Variants in EPDR1 observed in about 807,000 individuals in gnomAD.
The protein encoded by EPDR1 is ependymin related 1, also known as mammalian ependymin-related protein 1.
Under a neutral mutation model 23.7 loss-of-function variants are expected in EPDR1, and 27 were observed. That is an observed-to-expected ratio of 1.14 (90% confidence interval 0.84 to 1.57). The LOEUF is 1.57. EPDR1 is among the 40% of genes most tolerant of loss of function. The probability of loss-of-function intolerance (pLI) is 0.00; values close to 1 mark genes in which losing one functional copy is unlikely to be tolerated. For missense variants in EPDR1, 349 were observed against 290.4 expected (o/e 1.20, Z -1.47); for synonymous variants, 137 against 118.2 (o/e 1.16, Z -1.03).
chr7:37,928,117 G>A (rs564922071), intron 1 of EPDR1, among the ~76,000 whole-genome samples: 1 of 152,304 alleles, frequency 6.6e-6, no homozygotes, highest in Non-Finnish European at 1.5e-5. Context: ...AGAGTAAGGA[G>A]GCTGATGGAA....
chr7:37,943,799 G>T (rs1786217512), intron 1 of EPDR1, among the ~76,000 whole-genome samples: 1 of 152,204 alleles, frequency 6.6e-6, no homozygotes, highest in Non-Finnish European at 1.5e-5. Context: ...ACATTTCATA[G>T]TGATTGTTCC....
At chr7:37,935,705 T>G (rs1009122536) in intron 1 of EPDR1, among the ~76,000 whole-genome samples, 30 of 151,848 alleles carry the variant, frequency 2.0e-4, no homozygotes, top group Admixed American at 3.3e-4. Context: ...GGGTAAACTT[T>G]TAGTATCTTT....
At chr7:37,923,894 G>A (rs576602384) in intron 1 of EPDR1, among the ~76,000 whole-genome samples, 4 of 152,168 alleles carry the variant, frequency 2.6e-5, no homozygotes, top group Non-Finnish European at 4.4e-5. Context: ...CTGATAGTAC[G>A]CACAAGATGC....
At chr7:37,945,801 C>T (rs1562863780) in intron 1 of EPDR1, among the ~76,000 whole-genome samples, 1 of 152,086 alleles carries the variant, frequency 6.6e-6, no homozygotes, top group Non-Finnish European at 1.5e-5. Flanking sequence ...GCCATGGTAT[C>T]TTGCTGCACG....
chr7:37,937,040 T>C (rs1163831190), intron 1 of EPDR1, among the ~76,000 whole-genome samples: 1 of 152,170 alleles, frequency 6.6e-6, no homozygotes, highest in Non-Finnish European at 1.5e-5. Flanking sequence ...AATTAAAAAG[T>C]GTGACATTGA....
At chr7:37,933,975 TC>T (rs1423581094) in intron 1 of EPDR1, among the ~76,000 whole-genome samples, 1 of 145,388 alleles carries the variant, frequency 6.9e-6, no homozygotes, top group Non-Finnish European at 1.5e-5. Flanking sequence ...ATTCTGCCAT[TC>T]TTTTTTTTTT....
chr7:37,925,433 T>G (rs1785794467), intron 1 of EPDR1, among the ~76,000 whole-genome samples: 1 of 152,250 alleles, frequency 6.6e-6, no homozygotes, highest in Non-Finnish European at 1.5e-5. Flanking sequence ...TTTGTATTTG[T>G]AAAACATGAA....
intron 1 of EPDR1, among the ~76,000 whole-genome samples, chr7:37,927,710 C>A (rs1000596579): frequency 6.6e-6 from 1 of 152,180 alleles, no homozygotes; most frequent in Non-Finnish European, 1.5e-5. Flanking sequence ...CTCAATAAAT[C>A]TATTTGATCA....
chr7:37,945,058 A>G (rs1786246242), intron 1 of EPDR1, among the ~76,000 whole-genome samples: 1 of 152,232 alleles, frequency 6.6e-6, no homozygotes, highest in Non-Finnish European at 1.5e-5. Flanking sequence ...CATTAAAAGT[A>G]TCACAGGACA....
At position 37,951,008 on chromosome 7, in the gene EPDR1, G is replaced by A. The variant is rs1467738502; in HGVS notation, c.*612G>A. The A allele has an allele frequency of 6.6e-6, 1 of 152,208 alleles. No individual in the cohort carries two copies. The highest frequency in any genetic ancestry group is 1.5e-5 in the Non-Finnish European group (1 of 68,036). The allele number at this position is 152,208 out of a possible 1,614,324, so 9.4% of individuals were successfully genotyped here. ...TTGATATAAACATTTAGAAGGAAAT[G>A]AAAAGCTAAAATAGGAAGTAATTAT... On this transcript the variant is annotated 3_prime_UTR_variant, in exon 3 of 3. Coordinates refer to ENST00000199448, the MANE Select transcript of EPDR1 (RefSeq NM_017549.5).
At chr7:37,936,466 A>G (rs1288344336) in intron 1 of EPDR1, among the ~76,000 whole-genome samples, 2 of 152,098 alleles carry the variant, frequency 1.3e-5, no homozygotes, top group African/African-American at 4.8e-5. Context: ...GAATTTACTG[A>G]CCAGTATAGA....
chr7:37,924,049 C>A (rs186178141), intron 1 of EPDR1, among the ~76,000 whole-genome samples: 32 of 152,322 alleles, frequency 2.1e-4, no homozygotes, highest in African/African-American at 6.5e-4. Context: ...TTGGGAACAA[C>A]CTTCGAGTAA....
chr7:37,940,968 A>T (rs529369304), intron 1 of EPDR1, among the ~76,000 whole-genome samples: 1 of 152,156 alleles, frequency 6.6e-6, no homozygotes, highest in Non-Finnish European at 1.5e-5. Context: ...GGACAGGGAA[A>T]GTCCAAGGTT....
At chr7:37,922,643 C>T (rs1230001883) in intron 1 of EPDR1, among the ~76,000 whole-genome samples, 1 of 148,736 alleles carries the variant, frequency 6.7e-6, no homozygotes, top group African/African-American at 2.5e-5. Flanking sequence ...CTTAAGATCA[C>T]ACAGCTAATG....
chr7:37,930,019 C>G (rs1012580580), intron 1 of EPDR1, among the ~76,000 whole-genome samples: 1 of 152,134 alleles, frequency 6.6e-6, no homozygotes, highest in East Asian at 1.9e-4. Flanking sequence ...TACCCTCAGT[C>G]CCCCCAAAGA....
chr7:37,935,993 C>CATATATATATAT (rs752536687), intron 1 of EPDR1, among the ~76,000 whole-genome samples: 1 of 45,588 alleles, frequency 2.2e-5, no homozygotes, highest in Non-Finnish European at 4.4e-5. Context: ...CAAATCATGG[C>CATATATATATAT]ATATATATAT....
At chr7:37,930,616 G>A (rs1785917292) in intron 1 of EPDR1, among the ~76,000 whole-genome samples, 1 of 152,166 alleles carries the variant, frequency 6.6e-6, no homozygotes, top group South Asian at 2.1e-4. Context: ...CCCAGCTTCA[G>A]GCACGGCCTG....
chr7:37,931,500 C>G (rs1008994592), intron 1 of EPDR1, among the ~76,000 whole-genome samples: 1 of 150,856 alleles, frequency 6.6e-6, no homozygotes, highest in Non-Finnish European at 1.5e-5. Flanking sequence ...GGTGATAGAG[C>G]AAGACTCCAT....
At chr7:37,941,670 G>A (rs2132015178) in intron 1 of EPDR1, among the ~76,000 whole-genome samples, 1 of 152,248 alleles carries the variant, frequency 6.6e-6, no homozygotes, top group South Asian at 2.1e-4. Context: ...ATGTCATGTT[G>A]GAAAATAAAA....
Sources: allele counts gnomAD v4.1 joint callset (sites outside exome capture counted in the v4.1 genomes callset), GRCh38; gene constraint gnomAD v4.1.1; transcripts MANE v1.5; gene names NCBI Gene and HGNC (gene_info 2026-07-23, HGNC 2026-07-21).